SWAP70: variants seen among roughly 807,000 people sequenced by gnomAD.
The protein encoded by SWAP70 is switching B cell complex subunit SWAP70.
SWAP70 carries 34 observed loss-of-function variants against 80.2 expected under a neutral mutation model. That is an observed-to-expected ratio of 0.42 (90% CI 0.32 to 0.56). The LOEUF (loss-of-function observed/expected upper bound fraction) is 0.56. Ranked by LOEUF, SWAP70 falls within the 20% of genes least tolerant of loss-of-function variation. The pLI is 0.09. For synonymous variants in SWAP70, 239 were observed against 238.5 expected, an observed-to-expected ratio of 1.00 and a Z score of -0.02; for missense variants, 578 against 690.7, an observed-to-expected ratio of 0.84 and a Z score of 1.83.
At chr11:9,731,036 G>A (rs1851291973) in intron 6 of SWAP70, among the ~76,000 whole-genome samples, 1 of 152,118 alleles carries the variant, frequency 6.6e-6, no homozygotes, top group African/African-American at 2.4e-5. Context: ...TCATTATTTG[G>A]TTTTCTGTTC....
At chr11:9,672,221 A>ATATATATATG (rs1565110273) in intron 1 of SWAP70, among the ~76,000 whole-genome samples, 1 of 134,864 alleles carries the variant, frequency 7.4e-6, no homozygotes, top group Non-Finnish European at 1.6e-5. Context: ...ATATATATAT[A>ATATATATATG]TATATATGAT....
chr11:9,671,765 TA>T (rs372823772), intron 1 of SWAP70, among the ~76,000 whole-genome samples: 2 of 47,964 alleles, frequency 4.2e-5, no homozygotes, highest in African/African-American at 1.5e-4. Context: ...TATAAATATA[TA>T]ATATAAATAT....
At chr11:9,720,582 CACAT>C in intron 3 of SWAP70, 1 of 647,036 alleles carries the variant, frequency 1.5e-6, no homozygotes, top group Non-Finnish European at 1.9e-6. Context: ...ATACTGCACA[CACAT>C]GTGGCTATAC....
At chr11:9,729,907 G>A (rs368155797) in intron 6 of SWAP70, among the ~76,000 whole-genome samples, 57 of 152,262 alleles carry the variant, frequency 3.7e-4, no homozygotes, top group African/African-American at 1.3e-3. Flanking sequence ...ATTAAGATGC[G>A]CTCTCAAAGT....
intron 2 of SWAP70, among the ~76,000 whole-genome samples, chr11:9,712,099 A>G (rs934652332): frequency 6.6e-6 from 1 of 152,114 alleles, no homozygotes; most frequent in African/African-American, 2.4e-5. Flanking sequence ...CTTTCCCCAG[A>G]TGTCAAGATT....
intron 3 of SWAP70, among the ~76,000 whole-genome samples, chr11:9,723,370 T>C (rs1851164719): frequency 6.6e-6 from 1 of 152,142 alleles, no homozygotes; most frequent in Non-Finnish European, 1.5e-5. Flanking sequence ...ATTTCTTTAT[T>C]GTGGATGAAC....
intron 3 of SWAP70, among the ~76,000 whole-genome samples, chr11:9,723,099 T>C (rs1851161088): frequency 1.3e-5 from 2 of 152,040 alleles, no homozygotes; most frequent in African/African-American, 4.8e-5. Flanking sequence ...AGGGCAGGGC[T>C]TAAAGAGGGG....
At chr11:9,737,095 G>C (rs775221750) in intron 7 of SWAP70, among the ~76,000 whole-genome samples, 5 of 152,222 alleles carry the variant, frequency 3.3e-5, no homozygotes, top group Non-Finnish European at 5.9e-5. Flanking sequence ...TTAGTGTGTT[G>C]TTCTCATGGA....
At chr11:9,737,563 GA>G (rs1298127363) in intron 7 of SWAP70, among the ~76,000 whole-genome samples, 4 of 152,130 alleles carry the variant, frequency 2.6e-5, no homozygotes, top group African/African-American at 7.2e-5. Flanking sequence ...TGTATAAGAT[GA>G]AAAAACTGTA....
rs1272068656 is a variant in SWAP70, at chr11:9,751,469, A to C, written c.*1499A>C. 2 of 152,262 alleles carry C rather than the reference A, an allele frequency of 1.3e-5. No individual in the cohort carries two copies. The highest frequency in any genetic ancestry group is 4.1e-4 in the South Asian group (2 of 4,838). 9.4% of individuals were successfully genotyped at this position (152,262 alleles called of 1,614,324 possible). A position where few individuals can be genotyped will look rare whatever the true frequency, so the allele number is the denominator to read the frequency against. On this transcript the variant is annotated 3_prime_UTR_variant, in exon 12 of 12. Transcript: ENST00000318950. ...ACTCCGTGGACAGCAATCAAGCTTAAAATTGTAAATAAATATGGGGATAAT... is the reference window on the plus strand; with the variant it reads ...ACTCCGTGGACAGCAATCAAGCTTACAATTGTAAATAAATATGGGGATAAT...
intron 1 of SWAP70, among the ~76,000 whole-genome samples, chr11:9,690,857 A>G (rs901198301): frequency 6.6e-6 from 1 of 152,054 alleles, no homozygotes; most frequent in African/African-American, 2.4e-5. Context: ...ATACTGTTTC[A>G]TTGTTGCTTT....
intron 7 of SWAP70, among the ~76,000 whole-genome samples, chr11:9,735,460 G>A (rs2133812700): frequency 6.6e-6 from 1 of 152,290 alleles, no homozygotes; most frequent in South Asian, 2.1e-4. Flanking sequence ...ATGCTGTAGG[G>A]AATAATCTTG....
intron 3 of SWAP70, among the ~76,000 whole-genome samples, chr11:9,715,375 A>G (rs757478746): frequency 5.9e-5 from 9 of 152,220 alleles, no homozygotes; most frequent in Middle Eastern, 3.4e-3. Context: ...GGTCTGTCCT[A>G]TTTACTGTAC....
intron 2 of SWAP70, among the ~76,000 whole-genome samples, chr11:9,701,378 G>A (rs1036355155): frequency 1.3e-5 from 2 of 151,880 alleles, no homozygotes; most frequent in African/African-American, 4.8e-5. Context: ...CACCATGTTG[G>A]CCAGGCTGGT....
chr11:9,727,050 A>C (rs1205604472), intron 4 of SWAP70: 2 of 438,230 alleles, frequency 4.6e-6, no homozygotes, highest in Non-Finnish European at 9.2e-6. Context: ...GGTTTTACTT[A>C]CCTCAGTCAT....
Position 9,752,398 on chromosome 11 carries a change from A to G in SWAP70, c.*2428A>G, listed in dbSNP as rs1231049403. The stretch of plus-strand genomic sequence containing the variant: ...GACCTTGATACGACTAAGCGGTTAC[A>G]TATGTGGTTGTGCAAAAGCTTTCTG... On this transcript the variant is annotated 3_prime_UTR_variant, in exon 12 of 12. Transcript: ENST00000318950. 1 of 152,222 alleles carries G rather than the reference A, an allele frequency of 6.6e-6. No homozygotes were observed. The highest frequency in any genetic ancestry group is 6.5e-5 in the Admixed American group (1 of 15,288). The allele number at this position is 152,222 out of a possible 1,614,324, so 9.4% of individuals were successfully genotyped here. A position where few individuals can be genotyped will look rare whatever the true frequency, so the allele number is the denominator to read the frequency against.
intron 1 of SWAP70, among the ~76,000 whole-genome samples, chr11:9,681,893 C>G: frequency 6.6e-6 from 1 of 152,052 alleles, no homozygotes; most frequent in East Asian, 1.9e-4. Context: ...GAAAGTAAAA[C>G]CTTTAGAGGA....
rs556470376 is a variant in SWAP70 at position 9,710,518 on chromosome 11, G to GC, written c.241-2947dup. Among the ~76,000 whole-genome samples, 10 of 152,226 alleles carry GC rather than the reference G, an allele frequency of 6.6e-5. No homozygotes were observed. In the South Asian group the frequency reaches 2.1e-3, roughly 32 times the overall value. On this transcript the variant is annotated intron_variant, in intron 2 of 11. Transcript: ENST00000318950. ...TAGAGATCAGGTGAAACTTCGGCCTGCGGACAGCTGGTGACTTTTTTCATA... is the reference window on the plus strand; with the variant it reads ...TAGAGATCAGGTGAAACTTCGGCCTGCCGGACAGCTGGTGACTTTTTTCATA...
rs745789081 is a variant in SWAP70 at position 9,747,966 on chromosome 11, G to A, written c.1464G>A (p.Gln488=). The change falls in exon 10 of 12, where the codon CAG becomes CAA. Residue 488 remains glutamine (Q), a synonymous_variant. Coordinates refer to ENST00000318950, the MANE Select transcript of SWAP70 (RefSeq NM_015055.4). ...TEAEKQELEN[Q]RVLKEQALQE... is the part of the protein sequence containing the mutation. ...CGGAGAAGCAGGAGTTGGAGAATCAGCGTGTCCTGAAGGAACAGGCCCTGC... is the reference window on the plus strand; with the variant it reads ...CGGAGAAGCAGGAGTTGGAGAATCAACGTGTCCTGAAGGAACAGGCCCTGC... 10 of 1,614,234 alleles carry A rather than the reference G, an allele frequency of 6.2e-6. No homozygotes were observed. Among genetic ancestry groups the A allele is most frequent in the Non-Finnish European group, 8.5e-6 (10 of 1,180,040 alleles).
Sources: allele counts gnomAD v4.1 joint callset (sites outside exome capture counted in the v4.1 genomes callset), GRCh38; gene constraint gnomAD v4.1.1; transcripts MANE v1.5; gene names NCBI Gene and HGNC (gene_info 2026-07-23, HGNC 2026-07-21).